Variants in PAM observed in about 807,000 individuals in gnomAD.
PAM encodes the protein peptidylglycine alpha-amidating monooxygenase.
PAM carries 72 observed loss-of-function variants against 122.1 expected under a neutral mutation model. The ratio of observed to expected loss-of-function variants is 0.59; its 90% CI spans 0.49 to 0.72. The LOEUF (loss-of-function observed/expected upper bound fraction) is 0.72. Ranked by LOEUF, PAM falls within the 30% of genes least tolerant of loss-of-function variation. The probability of loss-of-function intolerance (pLI) is 0.00; values close to 1 mark genes in which losing one functional copy is unlikely to be tolerated. For missense variants in PAM, 1,106 were observed against 1,183.7 expected (o/e 0.93, Z 0.96); for synonymous variants, 389 against 404.4 (o/e 0.96, Z 0.46).
intron 3 of PAM, among the ~76,000 whole-genome samples, chr5:102,889,308 T>C (rs1561776454): frequency 6.6e-6 from 1 of 151,930 alleles, no homozygotes; most frequent in Non-Finnish European, 1.5e-5. Context: ...CCTTGGTTCC[T>C]TTTCTGGTAG....
At chr5:102,993,309 G>C (rs1774715149) in intron 16 of PAM, among the ~76,000 whole-genome samples, 1 of 152,068 alleles carries the variant, frequency 6.6e-6, no homozygotes, top group Admixed American at 6.6e-5. Flanking sequence ...TTCCCAGCAG[G>C]AACTGGGTAG....
In PAM at chr5:103,003,991, T is replaced by C. The variant is rs541252671; in HGVS notation, c.1730+842T>C. ...AAAAGTTGACTGATATTTATGGTCATTGAAAGAAGTGAGGGAGGCACTTGC... is the reference window on the plus strand; with the variant it reads ...AAAAGTTGACTGATATTTATGGTCACTGAAAGAAGTGAGGGAGGCACTTGC... On this transcript the variant is annotated intron_variant, in intron 17 of 25. Transcript: ENST00000438793. Among the ~76,000 whole-genome samples the C allele has an allele frequency of 7.9e-5, 12 of 152,222 alleles. 1 individual carries two copies. The highest frequency in any genetic ancestry group is 2.9e-4 in the African/African-American group (12 of 41,536).
intron 1 of PAM, among the ~76,000 whole-genome samples, chr5:102,811,616 A>G (rs539816846): frequency 1.3e-5 from 2 of 152,208 alleles, no homozygotes; most frequent in African/African-American, 2.4e-5. Flanking sequence ...GAATTAAGAC[A>G]TGGATATCTT....
intron 13 of PAM, among the ~76,000 whole-genome samples, chr5:102,960,539 G>T (rs1485989735): frequency 6.6e-6 from 1 of 151,876 alleles, no homozygotes; most frequent in Non-Finnish European, 1.5e-5. Flanking sequence ...TGCTAGTCTT[G>T]ACTTTTTTTA....
intron 14 of PAM, among the ~76,000 whole-genome samples, chr5:102,972,194 T>C (rs921144611): frequency 1.3e-5 from 2 of 152,214 alleles, no homozygotes; most frequent in Non-Finnish European, 2.9e-5. Context: ...TGAGCCAAGA[T>C]TGTGCCACTG....
chr5:102,807,229 A>G (rs1435116595), intron 1 of PAM, among the ~76,000 whole-genome samples: 1 of 152,226 alleles, frequency 6.6e-6, no homozygotes, highest in Non-Finnish European at 1.5e-5. Context: ...TAAATTATAT[A>G]CTTATTAAAG....
intron 1 of PAM, among the ~76,000 whole-genome samples, chr5:102,841,586 C>G (rs1778648403): frequency 6.6e-6 from 1 of 152,100 alleles, no homozygotes; most frequent in Non-Finnish European, 1.5e-5. Context: ...AAGAAAATTT[C>G]TGGAGCATTC....
intron 4 of PAM, among the ~76,000 whole-genome samples, chr5:102,908,552 C>G (rs573024593): frequency 3.6e-5 from 5 of 140,060 alleles, no homozygotes; most frequent in Admixed American, 7.7e-5. Context: ...GAACATCACA[C>G]TCTCAGGACT....
intron 1 of PAM, among the ~76,000 whole-genome samples, chr5:102,793,827 A>G (rs1006860512): frequency 1.3e-5 from 2 of 152,212 alleles, no homozygotes; most frequent in Non-Finnish European, 2.9e-5. Flanking sequence ...ATAGTAAGAG[A>G]AGATTACTTT....
At chr5:103,027,845 TA>T (rs1284323470) in intron 24 of PAM, among the ~76,000 whole-genome samples, 3 of 152,176 alleles carry the variant, frequency 2.0e-5, no homozygotes, top group Non-Finnish European at 4.4e-5. Flanking sequence ...TATCTATAGG[TA>T]GTGTTCTAAA....
At chr5:102,863,508 T>C (rs1198823439) in intron 1 of PAM, among the ~76,000 whole-genome samples, 1 of 152,170 alleles carries the variant, frequency 6.6e-6, no homozygotes, top group African/African-American at 2.4e-5. Flanking sequence ...ATTCTAAATA[T>C]ACCTTATGTT....
At chr5:102,784,865 A>C (rs1760063811) in intron 1 of PAM, among the ~76,000 whole-genome samples, 1 of 152,240 alleles carries the variant, frequency 6.6e-6, no homozygotes, top group Non-Finnish European at 1.5e-5. Context: ...GTGCATAAAC[A>C]CCAGGTGAGT....
At chr5:102,946,996 G>C in intron 8 of PAM, 111 bp downstream of exon 8, 1 of 739,332 alleles carries the variant, frequency 1.4e-6, no homozygotes, top group East Asian at 2.7e-5. Context: ...CCTAAACTGG[G>C]TTAAAACAAC....
intron 17 of PAM, 40 bp downstream of exon 17, chr5:103,003,189 T>A (rs776313601): frequency 1.1e-6 from 1 of 879,252 alleles, no homozygotes; most frequent in South Asian, 1.3e-5. Flanking sequence ...TTGTACTACA[T>A]ATATTGAGTA....
chr5:102,830,301 G>A (rs551475387), intron 1 of PAM, among the ~76,000 whole-genome samples: 2 of 152,262 alleles, frequency 1.3e-5, no homozygotes, highest in South Asian at 4.1e-4. Flanking sequence ...CATTAAGGTG[G>A]ATGGTTTCTA....
chr5:102,850,156 G>T (rs533556901), intron 1 of PAM, among the ~76,000 whole-genome samples: 3 of 152,130 alleles, frequency 2.0e-5, no homozygotes, highest in African/African-American at 7.2e-5. Context: ...GTGTTTTTGT[G>T]TGCTAAGTTT....
intron 1 of PAM, among the ~76,000 whole-genome samples, chr5:102,805,033 G>C (rs1765819204): frequency 6.8e-6 from 1 of 147,038 alleles, no homozygotes; most frequent in Non-Finnish European, 1.5e-5. Flanking sequence ...AATAGTGCTG[G>C]TTTGTCTGTT....
chr5:102,784,066 T>G (rs1268484645), intron 1 of PAM, among the ~76,000 whole-genome samples: 21 of 152,128 alleles, frequency 1.4e-4, no homozygotes, highest in Non-Finnish European at 1.5e-5. Context: ...GCTAATATTT[T>G]GCATTTTTAG....
At chr5:102,901,450 T>A in intron 4 of PAM, 37 bp downstream of exon 4, 1 of 1,110,754 alleles carries the variant, frequency 9.0e-7, no homozygotes, top group South Asian at 1.3e-5. Flanking sequence ...AGCAGTTTAA[T>A]GGAGGGCAGT....
Sources: gnomAD v4.1 joint callset for allele counts (sites outside exome capture counted in the v4.1 genomes callset) on GRCh38, gnomAD v4.1.1 for gene constraint, MANE v1.5 for transcripts, NCBI Gene and HGNC (gene_info 2026-07-23, HGNC 2026-07-21) for gene names.